Variants in ZNF264 observed in about 807,000 individuals in gnomAD.
ZNF264 encodes zinc finger protein 264.
ZNF264 carries 11 observed loss-of-function variants against 11.2 expected under a neutral mutation model. That is an observed-to-expected ratio of 0.98 (90% CI 0.62 to 1.63). The LOEUF (loss-of-function observed/expected upper bound fraction) is 1.63, where lower values mean the gene tolerates loss of function less well. Ranked by LOEUF, ZNF264 falls within the 40% of genes most tolerant of loss-of-function variation. The pLI is 0.00. For synonymous variants in ZNF264, 309 were observed against 279.8 expected (o/e 1.10, Z -1.04); for missense variants, 752 against 768.1 (o/e 0.98, Z 0.25).
intron 2 of ZNF264, among the ~76,000 whole-genome samples, chr19:57,203,084 CATG>C (rs1238171059): frequency 6.6e-6 from 1 of 152,080 alleles, no homozygotes; most frequent in Admixed American, 6.5e-5. Flanking sequence ...AGAGAAAAAA[CATG>C]ATTAGAGAGA....
At chr19:57,203,982 C>T (rs2087272158) in intron 2 of ZNF264, among the ~76,000 whole-genome samples, 1 of 152,060 alleles carries the variant, frequency 6.6e-6, no homozygotes, top group African/African-American at 2.4e-5. Context: ...GTCAGGAGAT[C>T]GAGACCATCC....
At chr19:57,209,906 A>G (rs1158990592) in intron 3 of ZNF264, among the ~76,000 whole-genome samples, 1 of 152,048 alleles carries the variant, frequency 6.6e-6, no homozygotes, top group Non-Finnish European at 1.5e-5. Context: ...AAAGATGAGC[A>G]CCATACACAG....
At position 57,215,028 on chromosome 19, in the gene ZNF264, G is replaced by GT. The variant is rs2087370033; in HGVS notation, c.*2050dup. ...ATAATGTGTAGTTCTTTTTTCTTTT[G>GT]TTTCTTATGTTCTAAATGTCTTATG... On this transcript the variant is annotated 3_prime_UTR_variant, in exon 4 of 4. Transcript: ENST00000263095. The GT allele has an allele frequency of 6.6e-6, 1 of 151,724 alleles. No homozygotes were observed. The highest frequency in any genetic ancestry group is 1.5e-5 in the Non-Finnish European group (1 of 67,882). 9.4% of individuals were successfully genotyped at this position (151,724 alleles called of 1,614,324 possible).
chr19:57,206,182 A>T (rs1468617149), intron 3 of ZNF264, among the ~76,000 whole-genome samples: 1 of 152,208 alleles, frequency 6.6e-6, no homozygotes, highest in Admixed American at 6.5e-5. Flanking sequence ...AGAAGAGCAG[A>T]AGGTTTGGTG....
intron 2 of ZNF264, among the ~76,000 whole-genome samples, chr19:57,200,931 T>A (rs1056840854): frequency 5.3e-5 from 8 of 151,726 alleles, no homozygotes; most frequent in Non-Finnish European, 1.2e-4. Flanking sequence ...TATAATAAAA[T>A]TTTTTTTATA....
Position 57,219,076 on chromosome 19 carries a change from T to G in ZNF264, c.*6095T>G, listed in dbSNP as rs2087399590. On this transcript the variant is annotated 3_prime_UTR_variant, in exon 4 of 4. Coordinates refer to ENST00000263095, the MANE Select transcript of ZNF264 (RefSeq NM_003417.5). ...AGAGTCATGTTCTCCATGGAATGTT[T>G]GTAAAATTCCCTAGCTCTCTGCACT... The G allele has an allele frequency of 6.6e-6, 1 of 152,160 alleles. No individual in the cohort carries two copies. The highest frequency in any genetic ancestry group is 1.5e-5 in the Non-Finnish European group (1 of 68,064). The allele number at this position is 152,160 out of a possible 1,614,324, so 9.4% of individuals were successfully genotyped here.
rs1019731184 is a variant in ZNF264 at position 57,218,006 on chromosome 19, G to T, written c.*5025G>T. 1 of 152,096 alleles carries T rather than the reference G, an allele frequency of 6.6e-6. No homozygotes were observed. The highest frequency in any genetic ancestry group is 2.4e-5 in the African/African-American group (1 of 41,390). 9.4% of individuals were successfully genotyped at this position (152,096 alleles called of 1,614,324 possible). A position where few individuals can be genotyped will look rare whatever the true frequency, so the allele number is the denominator to read the frequency against. On this transcript the variant is annotated 3_prime_UTR_variant, in exon 4 of 4. Transcript: ENST00000263095. ...GGGTTTCACCATGTTGCTCAGGCTG[G>T]TCTCAAACTCCTGACCTTGTGATCC... is the stretch of plus-strand genomic sequence containing the variant.
In ZNF264 at chr19:57,221,841, G is replaced by A. The variant is rs1189300668; in HGVS notation, c.*8860G>A. On this transcript the variant is annotated 3_prime_UTR_variant, in exon 4 of 4. Coordinates refer to ENST00000263095, the MANE Select transcript of ZNF264 (RefSeq NM_003417.5). ...AGTGAGCTACTCCTGTTTTGGGTGG[G>A]TGGAGCAGTAGTAAGCCTCCCAAAA... 2.6e-5 allele frequency: 4 copies of A among 152,142 alleles called. No homozygotes were observed. The highest frequency in any genetic ancestry group is 4.4e-5 in the Non-Finnish European group (3 of 68,022). The allele number at this position is 152,142 out of a possible 1,614,324, so 9.4% of individuals were successfully genotyped here.
chr19:57,221,957 G>A lies in ZNF264; in HGVS notation c.*8976G>A, dbSNP rs2087420481. Reference sequence around the variant, plus strand: ...GCTGTTTTATACAGTGACTTAAGTGGTACTAAAATGCTATATAAGTCAAAT... The same window carrying A: ...GCTGTTTTATACAGTGACTTAAGTGATACTAAAATGCTATATAAGTCAAAT... On this transcript the variant is annotated 3_prime_UTR_variant, in exon 4 of 4. Transcript: ENST00000263095. The A allele has an allele frequency of 6.6e-6, 1 of 151,988 alleles. No individual in the cohort carries two copies. The highest frequency in any genetic ancestry group is 1.5e-5 in the Non-Finnish European group (1 of 68,014). The allele number at this position is 151,988 out of a possible 1,614,324, so 9.4% of individuals were successfully genotyped here. A position where few individuals can be genotyped will look rare whatever the true frequency, so the allele number is the denominator to read the frequency against.
intron 2 of ZNF264, among the ~76,000 whole-genome samples, chr19:57,194,391 CAA>C (rs938910192): frequency 6.6e-6 from 1 of 152,148 alleles, no homozygotes; most frequent in African/African-American, 2.4e-5. Context: ...GAGTTCAAGA[CAA>C]GAGTGGCCAC....
At chr19:57,208,309 C>G (rs997713731) in intron 3 of ZNF264, among the ~76,000 whole-genome samples, 2 of 152,114 alleles carry the variant, frequency 1.3e-5, no homozygotes, top group African/African-American at 4.8e-5. Context: ...CTTTGGGATG[C>G]TGAGGTGGGA....
chr19:57,211,644 C>T lies in ZNF264; in HGVS notation c.547C>T (p.Arg183Cys), dbSNP rs1299663530. 3.1e-6 allele frequency: 5 copies of T among 1,614,104 alleles called. No individual in the cohort carries two copies. Among genetic ancestry groups the T allele is most frequent in the South Asian group, 2.2e-5 (2 of 91,078 alleles). ...GCAAGTCTCTCCAGGAGATAGAGTC[C>T]GTAGCCATAACTCATGTGAGTCAGG... is the stretch of plus-strand genomic sequence containing the variant. ...QEQVSPGDRV[R>C]SHNSCESGKD... The change falls in exon 4 of 4, where the codon CGT becomes TGT. Residue 183 changes from arginine to cysteine, a missense_variant. Coordinates refer to ENST00000263095, the MANE Select transcript of ZNF264 (RefSeq NM_003417.5).
chr19:57,206,362 G>T (rs1020470333), intron 3 of ZNF264, among the ~76,000 whole-genome samples: 1 of 151,934 alleles, frequency 6.6e-6, no homozygotes, highest in Non-Finnish European at 1.5e-5. Context: ...TCCTGCCTCA[G>T]CCTCCCGAGT....
At position 57,211,939 on chromosome 19, in the gene ZNF264, A is replaced by G; in HGVS notation, c.842A>G (p.His281Arg). Reference sequence around the variant, plus strand: ...TACCTTACCCAGCACCAGCGGATTCACAGTGGAGAGAAGCCTTACAAGTGC... The same window carrying G: ...TACCTTACCCAGCACCAGCGGATTCGCAGTGGAGAGAAGCCTTACAAGTGC... Reference protein sequence around the residue: ...KSYLTQHQRIHSGEKPYKCNE... With the variant: ...KSYLTQHQRIRSGEKPYKCNE... The change falls in exon 4 of 4, where the codon CAC (histidine) becomes CGC (arginine). Residue 281 changes from histidine (H) to arginine (R), a missense_variant. By Grantham distance (29) the His-to-Arg change is conservative. Transcript: ENST00000263095. The G allele has an allele frequency of 1.2e-6, 2 of 1,614,092 alleles. No individual in the cohort carries two copies. The highest frequency in any genetic ancestry group is 1.7e-6 in the Non-Finnish European group (2 of 1,180,014).
Position 57,193,785 on chromosome 19 carries a change from A to G in ZNF264, c.34-90A>G, listed in dbSNP as rs73632783. The G allele has an allele frequency of 5.3e-4, 817 of 1,542,016 alleles. 4 individuals carry two copies. In the African/African-American group the frequency reaches 0.01, roughly 19 times the overall value. The stretch of plus-strand genomic sequence containing the variant: ...GAGGTGCTCTGTGATTCAGGCCGCC[A>G]TCACTGTACACCTTTTCCAGTGGAG... On this transcript the variant is annotated intron_variant, in intron 1 of 3. Coordinates refer to ENST00000263095, the MANE Select transcript of ZNF264 (RefSeq NM_003417.5).
intron 3 of ZNF264, among the ~76,000 whole-genome samples, chr19:57,210,910 A>G (rs1331515064): frequency 1.3e-5 from 2 of 152,188 alleles, no homozygotes; most frequent in Non-Finnish European, 2.9e-5. Flanking sequence ...GTTACTTTCC[A>G]TGACTTCACA....
chr19:57,195,768 G>A (rs754996090), intron 2 of ZNF264, among the ~76,000 whole-genome samples: 12 of 151,844 alleles, frequency 7.9e-5, no homozygotes, highest in Non-Finnish European at 1.6e-4. Context: ...TGACTTAAAG[G>A]TAGGAGGAGC....
chr19:57,213,748 T>C lies in ZNF264; in HGVS notation c.*767T>C, dbSNP rs774431108. On this transcript the variant is annotated 3_prime_UTR_variant, in exon 4 of 4. Transcript: ENST00000263095. ...TGTACTTATTTACAAAACAGTCTTG[T>C]TCAGATTTTTACAGAAATTGAGTTA... The C allele has an allele frequency of 2.0e-5, 3 of 152,246 alleles. No homozygotes were observed. The highest frequency in any genetic ancestry group is 2.9e-5 in the Non-Finnish European group (2 of 68,046). 9.4% of individuals were successfully genotyped at this position (152,246 alleles called of 1,614,324 possible).
At position 57,212,133 on chromosome 19, in the gene ZNF264, T is replaced by G; in HGVS notation, c.1036T>G (p.Leu346Val). 6.2e-7 allele frequency: 1 copy of G among 1,613,922 alleles called. No individual in the cohort carries two copies. Among genetic ancestry groups the G allele is most frequent in the African/African-American group, 1.3e-5 (1 of 74,956 alleles). ...CAGTGGTGAGAATCCCTATGAGTGCTTGGAGTGTGGCAAGGTCTTCAAACA... is the reference window on the plus strand; with the variant it reads ...CAGTGGTGAGAATCCCTATGAGTGCGTGGAGTGTGGCAAGGTCTTCAAACA... ...VHSGENPYEC[L>V]ECGKVFKHRS... The change falls in exon 4 of 4, where the codon TTG (leucine) becomes GTG (valine). Residue 346 changes from leucine (L) to valine (V), a missense_variant. Physicochemically the swap from Leu to Val is conservative, Grantham distance 32. Transcript: ENST00000263095.
Sources: allele counts gnomAD v4.1 joint callset (sites outside exome capture counted in the v4.1 genomes callset), GRCh38; gene constraint gnomAD v4.1.1; transcripts MANE v1.5; gene names NCBI Gene and HGNC (gene_info 2026-07-23, HGNC 2026-07-21).